NCAM2: variants seen among roughly 807,000 people sequenced by gnomAD.
The protein encoded by NCAM2 is neural cell adhesion molecule 2, also known as N-CAM-2.
A neutral mutation model predicts 98.1 loss-of-function variants in NCAM2; 30 were observed. The ratio of observed to expected loss-of-function variants is 0.31; its 90% CI spans 0.23 to 0.41. The LOEUF (loss-of-function observed/expected upper bound fraction) is 0.41. Among genes scored for constraint, NCAM2 ranks in the 10% least tolerant of loss-of-function variants. NCAM2 has a pLI of 1.00. For synonymous variants in NCAM2, 368 were observed against 342.4 expected, an observed-to-expected ratio of 1.07 and a Z score of -0.83; for missense variants, 867 against 1,005.8, an observed-to-expected ratio of 0.86 and a Z score of 1.87.
At chr21:21,334,228 C>T (rs113438884) in intron 6 of NCAM2, among the ~76,000 whole-genome samples, 9 of 152,072 alleles carry the variant, frequency 5.9e-5, no homozygotes, top group South Asian at 2.1e-4. Flanking sequence ...CCACCACACC[C>T]GACCCATTTG....
At chr21:21,294,574 A>G (rs2073408725) in intron 5 of NCAM2, among the ~76,000 whole-genome samples, 1 of 151,748 alleles carries the variant, frequency 6.6e-6, no homozygotes, top group Non-Finnish European at 1.5e-5. Flanking sequence ...TAGGATCACA[A>G]ACTCGCGTAG....
At chr21:21,335,768 C>T in intron 7 of NCAM2, 103 bp downstream of exon 7, 1 of 947,468 alleles carries the variant, frequency 1.1e-6, no homozygotes, top group Admixed American at 3.9e-5. Flanking sequence ...CATATTAAAT[C>T]TGTTTCCTCT....
intron 1 of NCAM2, among the ~76,000 whole-genome samples, chr21:21,051,518 C>T (rs1288794715): frequency 1.3e-5 from 2 of 152,166 alleles, no homozygotes; most frequent in Non-Finnish European, 2.9e-5. Context: ...ATGAAACAAA[C>T]TTCATTTTCA....
intron 1 of NCAM2, among the ~76,000 whole-genome samples, chr21:21,161,368 T>C (rs1296543948): frequency 1.3e-5 from 2 of 152,022 alleles, no homozygotes; most frequent in Non-Finnish European, 2.9e-5. Flanking sequence ...CATGTATTTG[T>C]TCAATAAACA....
At chr21:21,484,848 C>G (rs180689419) in intron 15 of NCAM2, among the ~76,000 whole-genome samples, 16 of 152,224 alleles carry the variant, frequency 1.1e-4, no homozygotes, top group African/African-American at 3.8e-4. Context: ...CCATTAATTC[C>G]TAAAGTTGAC....
intron 1 of NCAM2, among the ~76,000 whole-genome samples, chr21:21,036,875 C>T (rs1745258849): frequency 6.6e-6 from 1 of 152,120 alleles, no homozygotes; most frequent in Admixed American, 6.6e-5. Context: ...AAGAGAAGGG[C>T]CAAGAGAGGG....
At chr21:21,062,248 A>G (rs530949123) in intron 1 of NCAM2, among the ~76,000 whole-genome samples, 2 of 152,198 alleles carry the variant, frequency 1.3e-5, no homozygotes, top group Admixed American at 6.5e-5. Flanking sequence ...AATTACTTCC[A>G]TCTGCAAAAT....
chr21:21,059,811 G>C (rs1406267385), intron 1 of NCAM2, among the ~76,000 whole-genome samples: 1 of 152,066 alleles, frequency 6.6e-6, no homozygotes, highest in South Asian at 2.1e-4. Flanking sequence ...GTATGTAGCA[G>C]ATAGAGACCA....
chr21:21,213,381 C>A (rs187877440), intron 1 of NCAM2, among the ~76,000 whole-genome samples: 1 of 151,940 alleles, frequency 6.6e-6, no homozygotes, highest in Admixed American at 6.6e-5. Context: ...TAGATGATTC[C>A]CAATATTAAA....
intron 14 of NCAM2, among the ~76,000 whole-genome samples, chr21:21,470,468 TTACCTTTGC>T (rs1326654675): frequency 3.3e-5 from 5 of 152,096 alleles, no homozygotes; most frequent in Non-Finnish European, 5.9e-5. Context: ...TCAATAAATT[TTACCTTTGC>T]ACATAGTTGC....
At chr21:21,164,925 G>A (rs1436171264) in intron 1 of NCAM2, among the ~76,000 whole-genome samples, 2 of 152,054 alleles carry the variant, frequency 1.3e-5, no homozygotes, top group Non-Finnish European at 2.9e-5. Flanking sequence ...AGGGCTTAAG[G>A]TAACTATAAC....
At chr21:21,424,245 T>A (rs1224176193) in intron 11 of NCAM2, among the ~76,000 whole-genome samples, 1 of 152,228 alleles carries the variant, frequency 6.6e-6, no homozygotes, top group African/African-American at 2.4e-5. Context: ...GACATTATTT[T>A]CAGAGAATCC....
chr21:21,080,145 T>C (rs1013411612), intron 1 of NCAM2, among the ~76,000 whole-genome samples: 5 of 152,206 alleles, frequency 3.3e-5, no homozygotes, highest in African/African-American at 1.2e-4. Context: ...GATATGTTGA[T>C]TGCCGTAATA....
chr21:21,082,095 G>A (rs1026359200), intron 1 of NCAM2, among the ~76,000 whole-genome samples: 1 of 151,626 alleles, frequency 6.6e-6, no homozygotes, highest in African/African-American at 2.4e-5. Flanking sequence ...GGGCGTGGTG[G>A]CAGGCGCATG....
intron 16 of NCAM2, among the ~76,000 whole-genome samples, chr21:21,530,243 A>T (rs5021236): frequency 0.04 from 2,095 of 52,204 alleles, 158 homozygotes; most frequent in African/African-American, 0.1. Flanking sequence ...TTTAATTTAA[A>T]TTAATTATAT....
chr21:21,287,007 A>G (rs1189133418), intron 4 of NCAM2, among the ~76,000 whole-genome samples: 1 of 151,954 alleles, frequency 6.6e-6, no homozygotes, highest in East Asian at 1.9e-4. Flanking sequence ...AAAGATCCAT[A>G]TAGATAATAG....
chr21:21,426,145 GA>G (rs1474941783), intron 11 of NCAM2, among the ~76,000 whole-genome samples: 1 of 152,046 alleles, frequency 6.6e-6, no homozygotes, highest in Non-Finnish European at 1.5e-5. Context: ...CATCCCAAAA[GA>G]CCCCACCTCT....
At chr21:21,140,493 C>T (rs1274233257) in intron 1 of NCAM2, among the ~76,000 whole-genome samples, 1 of 151,836 alleles carries the variant, frequency 6.6e-6, no homozygotes, top group Admixed American at 6.6e-5. Flanking sequence ...ATCATCCTAC[C>T]GATGCTAACA....
chr21:21,524,425 A>G (rs1012371228), intron 16 of NCAM2, among the ~76,000 whole-genome samples: 15 of 58,378 alleles, frequency 2.6e-4, no homozygotes, highest in African/African-American at 1.2e-3. Context: ...AGCAAGCAGA[A>G]AAAAAAAAAA....
Sources: allele counts gnomAD v4.1 joint callset (sites outside exome capture counted in the v4.1 genomes callset), GRCh38; gene constraint gnomAD v4.1.1; transcripts MANE v1.5; gene names NCBI Gene and HGNC (gene_info 2026-07-23, HGNC 2026-07-21).